The following LRRC58 variants were observed in gnomAD, a reference collection of about 807,000 sequenced individuals.
LRRC58 encodes leucine rich repeat containing 58, also known as leucine-rich repeat-containing protein 58.
In LRRC58, 18 loss-of-function variants were observed where a neutral mutation model predicts 30.6. The observed-to-expected ratio is 0.59, with a 90% CI of 0.41 to 0.87. The LOEUF is 0.87. LRRC58 is among the 40% of genes least tolerant of loss of function. LRRC58 has a pLI of 0.00. For missense variants in LRRC58, 420 were observed against 468.4 expected (o/e 0.90, Z 0.95); for synonymous variants, 221 against 206.0 (o/e 1.07, Z -0.62).
At chr3:120,347,376 A>ATTTTTTTTTTTT (rs1208688984) in intron 1 of LRRC58, among the ~76,000 whole-genome samples, 2 of 51,106 alleles carry the variant, frequency 3.9e-5, no homozygotes, top group African/African-American at 8.3e-5. Context: ...CCAGGCCAAT[A>ATTTTTTTTTTTT]TTCTTTTTTT....
intron 1 of LRRC58, among the ~76,000 whole-genome samples, chr3:120,346,475 G>A (rs1039821619): frequency 2.0e-4 from 30 of 152,074 alleles, no homozygotes; most frequent in Non-Finnish European, 3.8e-4. Context: ...CTGAAAAATG[G>A]GAGCACATCA....
In LRRC58 at chr3:120,335,894, T is replaced by C. The variant is rs1401382173; in HGVS notation, c.560A>G (p.Asn187Ser). 1.9e-6 allele frequency: 3 copies of C among 1,600,732 alleles called. No individual in the cohort carries two copies. The highest frequency in any genetic ancestry group is 2.6e-6 in the Non-Finnish European group (3 of 1,168,154). ...FIKEIPPELGNLPSLNYLVLC... is the reference protein window; with the variant it reads ...FIKEIPPELGSLPSLNYLVLC... ...TACCAAATAATTCAGAGAAGGCAGA[T>C]TTCCTAATTCTGGTGGGATTTCTTT... Residue 187 changes from asparagine (N) to serine (S), a missense_variant, in exon 2 of 4, where the codon AAT (asparagine) becomes AGT (serine). Asn to Ser is a conservative substitution (Grantham distance 46, BLOSUM62 1). Around this residue, in one of 2 missense-constraint regions of LRRC58, gnomAD observed 266 missense variants for 251.7 expected, o/e 1.06. Coordinates refer to ENST00000295628, the MANE Select transcript of LRRC58 (RefSeq NM_001099678.2).
chr3:120,326,901 GTTTT>G lies in LRRC58; in HGVS notation c.*4295_*4298del, dbSNP rs1247988400. On this transcript the variant is annotated 3_prime_UTR_variant, in exon 4 of 4. Transcript: ENST00000295628. ...ATTTTATTTGCACTATTTGCTGTGT[GTTTT>G]TTCTTTTTTACATAGTGAAAAGGTA... 6.6e-6 allele frequency: 1 copy of G among 152,136 alleles called. No individual in the cohort carries two copies. The highest frequency in any genetic ancestry group is 1.5e-5 in the Non-Finnish European group (1 of 68,008). 9.4% of individuals were successfully genotyped at this position (152,136 alleles called of 1,614,324 possible).
chr3:120,344,082 CA>C (rs1935938234), intron 1 of LRRC58, among the ~76,000 whole-genome samples: 2 of 151,608 alleles, frequency 1.3e-5, no homozygotes, highest in African/African-American at 4.8e-5. Context: ...AAAAAACCCC[CA>C]AACAACAACA....
chr3:120,341,792 GCCCAACCTGCAGCTGCAGA>G lies in LRRC58; in HGVS notation c.501-5858_501-5840del, dbSNP rs572003050. ...GAGCTCCCCAGGTGCAGCTGTGGTG[GCCCAACCTGCAGCTGCAGA>G]CCCAGGCCTCCTGCTCTACAGAGCA... On this transcript the variant is annotated intron_variant, in intron 1 of 3. Coordinates refer to ENST00000295628, the MANE Select transcript of LRRC58 (RefSeq NM_001099678.2). Among the ~76,000 whole-genome samples, 28 of 151,982 alleles carry G rather than the reference GCCCAACCTGCAGCTGCAGA, an allele frequency of 1.8e-4. No homozygotes were observed. The East Asian group carries it at 5.3e-3, about 29-fold the overall frequency.
At chr3:120,338,715 T>C (rs1439347965) in intron 1 of LRRC58, among the ~76,000 whole-genome samples, 1 of 152,246 alleles carries the variant, frequency 6.6e-6, no homozygotes, top group Non-Finnish European at 1.5e-5. Context: ...GAGGTGGGAC[T>C]GTGGTCATCA....
chr3:120,349,154 A>C lies in LRRC58; in HGVS notation c.90T>G (p.Ser30=). Residue 30 remains serine, a synonymous_variant, in exon 1 of 4, where the codon TCT becomes TCG. Coordinates refer to ENST00000295628, the MANE Select transcript of LRRC58 (RefSeq NM_001099678.2). Reference sequence around the variant, plus strand: ...GCTCCTCCCCCCGCGCCTCCAGCTCAGACTCCAGCGTCTCGGTGGACACGC... The same window carrying C: ...GCTCCTCCCCCCGCGCCTCCAGCTCCGACTCCAGCGTCTCGGTGGACACGC... The part of the protein sequence containing the change: ...RLSVSTETLE[S]ELEARGEERR... The C allele has an allele frequency of 6.7e-7, 1 of 1,501,736 alleles. No homozygotes were observed. The highest frequency in any genetic ancestry group is 8.8e-7 in the Non-Finnish European group (1 of 1,133,966). The allele number at this position is 1,501,736 out of a possible 1,614,324, so 93.0% of individuals were successfully genotyped here. A position where few individuals can be genotyped will look rare whatever the true frequency, so the allele number is the denominator to read the frequency against.
rs1425755357 is a variant in LRRC58, at chr3:120,326,658, G to A, written c.*4542C>T. 1 of 152,094 alleles carries A rather than the reference G, an allele frequency of 6.6e-6. No homozygotes were observed. The highest frequency in any genetic ancestry group is 1.5e-5 in the Non-Finnish European group (1 of 68,018). The allele number at this position is 152,094 out of a possible 1,614,324, so 9.4% of individuals were successfully genotyped here. A position where few individuals can be genotyped will look rare whatever the true frequency, so the allele number is the denominator to read the frequency against. ...AAGCTCACTATTTTGGACTAAATGG[G>A]GAGTAACATTCATAATGACAATAAA... On this transcript the variant is annotated 3_prime_UTR_variant, in exon 4 of 4. Transcript: ENST00000295628.
Position 120,331,002 on chromosome 3 carries a change from G to GT in LRRC58, c.*197dup. ...TGTGAAACTATCATTCACAAATTAT[G>GT]TTAAAATAATCTAAACATGGGACTG... On this transcript the variant is annotated 3_prime_UTR_variant, in exon 4 of 4. Transcript: ENST00000295628. 1.8e-6 allele frequency: 1 copy of GT among 570,226 alleles called. No individual in the cohort carries two copies. Among genetic ancestry groups the GT allele is most frequent in the Non-Finnish European group, 3.2e-6 (1 of 316,164 alleles). 35.3% of individuals were successfully genotyped at this position (570,226 alleles called of 1,614,324 possible).
intron 1 of LRRC58, among the ~76,000 whole-genome samples, chr3:120,346,284 A>C (rs945860042): frequency 1.3e-5 from 2 of 152,144 alleles, no homozygotes; most frequent in East Asian, 3.9e-4. Context: ...AAAACAAAAA[A>C]CAAAAACAAG....
intron 1 of LRRC58, among the ~76,000 whole-genome samples, chr3:120,338,878 A>C (rs1285507694): frequency 6.6e-6 from 1 of 152,222 alleles, no homozygotes; most frequent in African/African-American, 2.4e-5. Context: ...AGTGGCAAAC[A>C]ACTGGAGAAG....
intron 1 of LRRC58, among the ~76,000 whole-genome samples, chr3:120,347,030 C>A (rs1018413583): frequency 2.0e-5 from 3 of 152,188 alleles, no homozygotes; most frequent in Non-Finnish European, 4.4e-5. Flanking sequence ...TTAGTAGTTA[C>A]CCTCCTTGCC....
chr3:120,331,907 G>A (rs1254902397), intron 3 of LRRC58, among the ~76,000 whole-genome samples: 1 of 152,192 alleles, frequency 6.6e-6, no homozygotes, highest in African/African-American at 2.4e-5. Context: ...AGAAATAAAT[G>A]CCATTTTACA....
intron 1 of LRRC58, among the ~76,000 whole-genome samples, chr3:120,347,801 G>C (rs1935992567): frequency 6.6e-6 from 1 of 152,194 alleles, no homozygotes; most frequent in African/African-American, 2.4e-5. Context: ...ACAGATGGAA[G>C]ATACCTCTTT....
rs2107619394 is a variant in LRRC58, at chr3:120,326,941, A to C, written c.*4259T>G. On this transcript the variant is annotated 3_prime_UTR_variant, in exon 4 of 4. Coordinates refer to ENST00000295628, the MANE Select transcript of LRRC58 (RefSeq NM_001099678.2). Reference sequence around the variant, plus strand: ...CATAGTGAAAAGGTAAACATTAACCAAGGCTACCTGTTATATCACAAATTC... The same window carrying C: ...CATAGTGAAAAGGTAAACATTAACCCAGGCTACCTGTTATATCACAAATTC... 1 of 152,316 alleles carries C rather than the reference A, an allele frequency of 6.6e-6. No homozygotes were observed. The highest frequency in any genetic ancestry group is 2.4e-5 in the African/African-American group (1 of 41,566). 9.4% of individuals were successfully genotyped at this position (152,316 alleles called of 1,614,324 possible). A position where few individuals can be genotyped will look rare whatever the true frequency, so the allele number is the denominator to read the frequency against.
Position 120,348,747 on chromosome 3 carries a change from T to C in LRRC58, c.497A>G (p.Gln166Arg). Residue 166 changes from glutamine (Q) to arginine (R), a missense_variant, in exon 1 of 4, where the codon CAG (glutamine) becomes CGG (arginine). Gln to Arg is a conservative substitution (Grantham distance 43, BLOSUM62 1). This residue lies in a region of LRRC58 where 266 missense variants were observed against 251.7 expected (regional missense o/e 1.06). Coordinates refer to ENST00000295628, the MANE Select transcript of LRRC58 (RefSeq NM_001099678.2). The part of the protein sequence containing the change: ...QSIPAEIENL[Q>R]SLECLYLGGN... ...CCTCCGGCACACACCCGCTCACCTC[T>C]GCAAGTTCTCGATCTCAGCCGGGAT... is the stretch of plus-strand genomic sequence containing the variant. The C allele has an allele frequency of 6.3e-7, 1 of 1,580,696 alleles. No homozygotes were observed. The highest frequency in any genetic ancestry group is 1.7e-5 in the Admixed American group (1 of 57,232).
intron 1 of LRRC58, among the ~76,000 whole-genome samples, chr3:120,339,661 A>G (rs749519700): frequency 1.3e-5 from 2 of 152,028 alleles, no homozygotes; most frequent in Non-Finnish European, 1.5e-5. Flanking sequence ...CTTTGTAGGT[A>G]ATCTTTTTTT....
intron 1 of LRRC58, among the ~76,000 whole-genome samples, chr3:120,347,540 C>T (rs987235930): frequency 1.3e-5 from 2 of 150,082 alleles, no homozygotes; most frequent in African/African-American, 4.9e-5. Context: ...TACAGGCGCC[C>T]GCCACCGCGC....
At chr3:120,337,126 C>A (rs1935846352) in intron 1 of LRRC58, among the ~76,000 whole-genome samples, 1 of 152,056 alleles carries the variant, frequency 6.6e-6, no homozygotes. Context: ...GTCTCCCTCC[C>A]TTGAATTGCC....
Sources: allele counts gnomAD v4.1 joint callset (sites outside exome capture counted in the v4.1 genomes callset), GRCh38; gene constraint gnomAD v4.1.1; regional missense constraint gnomAD v4.1.1; transcripts MANE v1.5; gene names NCBI Gene and HGNC (gene_info 2026-07-23, HGNC 2026-07-21).